The following TAF6 variants were observed in gnomAD, a reference collection of about 807,000 sequenced individuals.
TAF6 encodes transcription initiation factor TFIID subunit 6.
In TAF6, 50 loss-of-function variants were observed where a neutral mutation model predicts 73.5. The observed-to-expected ratio is 0.68, with a 90% confidence interval of 0.54 to 0.86. TAF6 has a LOEUF of 0.86. Among genes scored for constraint, TAF6 ranks in the 40% least tolerant of loss-of-function variants. The probability of loss-of-function intolerance (pLI) is 0.00; values close to 1 mark genes in which losing one functional copy is unlikely to be tolerated. For missense variants in TAF6, 768 were observed against 899.5 expected (o/e 0.85, Z 1.87); for synonymous variants, 424 against 376.7 (o/e 1.13, Z -1.45).
At chr7:100,110,392 C>T (rs924179532) in intron 10 of TAF6, 118 bp from the exon 11 acceptor site, 9 of 1,153,136 alleles carry the variant, frequency 7.8e-6, no homozygotes, top group African/African-American at 1.5e-5. Context: ...TGAGGCCAGA[C>T]GTGGTGGCTC....
At chr7:100,117,104 G>A (rs1462224099) in intron 1 of TAF6, among the ~76,000 whole-genome samples, 1 of 151,784 alleles carries the variant, frequency 6.6e-6, no homozygotes, top group Non-Finnish European at 1.5e-5. Context: ...AAATTAGCTG[G>A]GCGTGGTGAT....
Position 100,110,255 on chromosome 7 carries a change from G to A in TAF6, c.1103C>T (p.Thr368Met), listed in dbSNP as rs766871042. 14 of 1,613,960 alleles carry A rather than the reference G, an allele frequency of 8.7e-6. No individual in the cohort carries two copies. The highest frequency in any genetic ancestry group is 8.3e-5 in the Admixed American group (5 of 59,998). Residue 368 changes from threonine (T) to methionine (M), a missense_variant, in exon 11 of 15, where the codon ACG becomes ATG. Coordinates refer to ENST00000453269, the MANE Select transcript of TAF6 (RefSeq NM_139315.3). The part of the protein sequence containing the change: ...TFTKSWVDEK[T>M]PWTTRYGSIA... Reference sequence around the variant, plus strand: ...GGAGCCATAACGAGTCGTCCAGGGCGTCTTCTCGTCCACCCAGCTCTGTAA... The same window carrying A: ...GGAGCCATAACGAGTCGTCCAGGGCATCTTCTCGTCCACCCAGCTCTGTAA...
intron 11 of TAF6, 56 bp from the exon 12 acceptor site, chr7:100,110,129 T>C: frequency 1.2e-6 from 2 of 1,613,980 alleles, no homozygotes. Flanking sequence ...GTCTCCCAGA[T>C]GGGGGTACAG....
chr7:100,119,641 G>A (rs536137427), upstream of TAF6: 12 of 1,603,088 alleles, frequency 7.5e-6, no homozygotes, highest in Admixed American at 1.7e-5. Context: ...GACCTTCCTC[G>A]GCTGGATTTA....
At chr7:100,122,098 G>T, upstream of TAF6, 2 of 671,922 alleles carry the variant, frequency 3.0e-6, no homozygotes, top group East Asian at 3.0e-5. Context: ...CAAGCAGGAA[G>T]ATTGCCACAC....
chr7:100,124,512 A>T (rs771546278), upstream of TAF6: 11 of 1,607,252 alleles, frequency 6.8e-6, no homozygotes, highest in Admixed American at 3.4e-5. Context: ...CTACTTGACC[A>T]GTGTGAGACC....
upstream of TAF6, among the ~76,000 whole-genome samples, chr7:100,121,746 C>T (rs577764945): frequency 2.4e-4 from 36 of 151,322 alleles, no homozygotes; most frequent in Middle Eastern, 3.4e-3. Flanking sequence ...GGCCTATTAT[C>T]CCATTATAAA....
upstream of TAF6, chr7:100,119,777 C>T (rs1215289047): frequency 9.3e-6 from 15 of 1,613,976 alleles, no homozygotes; most frequent in Admixed American, 2.0e-4. Flanking sequence ...TATTGCTTTT[C>T]CTTTTTTTGG....
chr7:100,122,231 C>A, upstream of TAF6: 2 of 1,611,770 alleles, frequency 1.2e-6, no homozygotes, highest in Non-Finnish European at 8.5e-7. Flanking sequence ...TCTTTTACCT[C>A]CCCCCGGACG....
chr7:100,109,977 C>T lies in TAF6; in HGVS notation c.1255G>A (p.Gly419Arg). 1 of 1,614,156 alleles carries T rather than the reference C, an allele frequency of 6.2e-7. No individual in the cohort carries two copies. The highest frequency in any genetic ancestry group is 1.1e-5 in the South Asian group (1 of 91,072). ...GPVLSNIDRI[G>R]ADHVQSLLLK... ...AGGAGGCTCTGCACATGGTCTGCTC[C>T]AATCCGGTCAATGTTGCTCAGCACA... The change falls in exon 12 of 15, where the codon GGA becomes AGA. Residue 419 changes from glycine to arginine, a missense_variant. Gly to Arg is a moderately radical substitution (Grantham distance 125, BLOSUM62 -2). Transcript: ENST00000453269.
chr7:100,119,574 A>G (rs908600669), upstream of TAF6: 1 of 1,444,908 alleles, frequency 6.9e-7, no homozygotes, highest in East Asian at 2.5e-5. Context: ...AAACGGAGGC[A>G]GGGAAACCCG....
In TAF6 at chr7:100,113,332, T is replaced by C; in HGVS notation, c.454+17A>G. The C allele has an allele frequency of 6.4e-7, 1 of 1,560,298 alleles. No homozygotes were observed. The highest frequency in any genetic ancestry group is 8.7e-7 in the Non-Finnish European group (1 of 1,155,108). ...GAAAGGGACCCAGAGACCCAGAGGG[T>C]GGGGCATGGAGGTTACCTGGGGGCG... On this transcript the variant is annotated intron_variant, in intron 5 of 14. Transcript: ENST00000453269.
chr7:100,122,231 C>G, upstream of TAF6: 3 of 1,611,770 alleles, frequency 1.9e-6, no homozygotes, highest in Non-Finnish European at 2.5e-6. Context: ...TCTTTTACCT[C>G]CCCCCGGACG....
At chr7:100,112,376 A>G in intron 6 of TAF6, 123 bp from the exon 7 acceptor site, 4 of 1,375,446 alleles carry the variant, frequency 2.9e-6, no homozygotes, top group Non-Finnish European at 3.9e-6. Context: ...AGGCTCCCCC[A>G]TCCTTTCTGG....
Position 100,107,912 on chromosome 7 carries a change from A to G in TAF6, c.1656+14T>C. The G allele has an allele frequency of 1.3e-6, 2 of 1,593,308 alleles. No homozygotes were observed. The highest frequency in any genetic ancestry group is 2.3e-5 in the South Asian group (2 of 87,700). ...AGGCCCTCCAGATGCTCCCTGTCCC[A>G]CAGCTCTGCATACCTGCTGGGTGGA... On this transcript the variant is annotated intron_variant, in intron 14 of 14. Coordinates refer to ENST00000453269, the MANE Select transcript of TAF6 (RefSeq NM_139315.3).
At chr7:100,112,657 G>A in intron 6 of TAF6, 141 bp downstream of exon 6, 2 of 1,237,760 alleles carry the variant, frequency 1.6e-6, no homozygotes, top group South Asian at 1.8e-5. Context: ...GGAGGTTGCA[G>A]TGAGCTGAGA....
chr7:100,119,820 G>A (rs1173195646), upstream of TAF6: 2 of 1,614,092 alleles, frequency 1.2e-6, no homozygotes, highest in Non-Finnish European at 8.5e-7. Flanking sequence ...GATGTTGAAG[G>A]AGGAGGACGA....
chr7:100,127,128 A>C, the TAF6 span: 120 of 503,004 alleles, frequency 2.4e-4, no homozygotes, highest in Non-Finnish European at 3.9e-4. The surrounding 1 kb of genome is among the most constrained non-coding windows in gnomAD (Gnocchi z 4.6). Context: ...GGTGACGGGC[A>C]AGGACGTACG....
chr7:100,122,458 CTT>C, upstream of TAF6: 17 of 1,614,036 alleles, frequency 1.1e-5, no homozygotes, highest in Non-Finnish European at 1.4e-5. Context: ...TCCAGGGAAT[CTT>C]TGTTTCCTCT....
Sources: gnomAD v4.1 joint callset for allele counts (sites outside exome capture counted in the v4.1 genomes callset) on GRCh38, gnomAD v4.1.1 for gene constraint, Gnocchi (gnomAD v3.1) non-coding constraint, MANE v1.5 for transcripts, NCBI Gene and HGNC (gene_info 2026-07-23, HGNC 2026-07-21) for gene names.